LDLRAD3: variants seen among roughly 807,000 people sequenced by gnomAD.
LDLRAD3 encodes the protein low-density lipoprotein receptor class A domain-containing protein 3.
In LDLRAD3, 20 loss-of-function variants were observed where a neutral mutation model predicts 29.4. The observed-to-expected ratio is 0.68, with a 90% confidence interval of 0.48 to 0.99. The LOEUF is 0.99. Among genes scored for constraint, LDLRAD3 ranks in the 50% least tolerant of loss-of-function variants. The probability of loss-of-function intolerance (pLI) is 0.00; values close to 1 mark genes in which losing one functional copy is unlikely to be tolerated. For synonymous variants in LDLRAD3, 157 were observed against 192.7 expected (o/e 0.81, Z 1.53); for missense variants, 420 against 454.3 (o/e 0.92, Z 0.69).
At chr11:36,060,270 C>T (rs186881117) in intron 2 of LDLRAD3, among the ~76,000 whole-genome samples, 268 of 149,436 alleles carry the variant, frequency 1.8e-3, no homozygotes, top group African/African-American at 6.1e-3. Flanking sequence ...AGGAGAATGG[C>T]GTGAACCCGG....
rs115859839 is a variant in LDLRAD3 at position 36,085,450 on chromosome 11, C to T, written c.319+3672C>T. On this transcript the variant is annotated intron_variant, in intron 3 of 5. Transcript: ENST00000315571. ...TTAGGGTTCTCTGAGCTATTTGAAT[C>T]TGTAGGTTTTTGTCTTTTGCTATAC... Among the ~76,000 whole-genome samples the T allele has an allele frequency of 3.4e-3, 514 of 150,326 alleles. 3 individuals carry two copies. Among genetic ancestry groups the T allele is most frequent in the African/African-American group, 0.012 (484 of 40,882 alleles).
chr11:36,061,478 G>A (rs1852699602), intron 2 of LDLRAD3, among the ~76,000 whole-genome samples: 1 of 152,118 alleles, frequency 6.6e-6, no homozygotes, highest in African/African-American at 2.4e-5. Flanking sequence ...CTGGCATAGT[G>A]GAGGTGATAG....
chr11:35,985,685 A>T (rs1454805071), intron 1 of LDLRAD3, among the ~76,000 whole-genome samples: 3 of 152,058 alleles, frequency 2.0e-5, no homozygotes, highest in African/African-American at 7.3e-5. Context: ...GTGATAGTGA[A>T]TAATAAGTCT....
chr11:35,987,128 C>G (rs901508208), intron 1 of LDLRAD3, among the ~76,000 whole-genome samples: 7 of 152,186 alleles, frequency 4.6e-5, no homozygotes, highest in Admixed American at 4.6e-4. Context: ...TTCATGCCTC[C>G]TGTGGTGGAG....
intron 1 of LDLRAD3, chr11:35,972,385 G>C (rs1851424192): frequency 6.6e-6 from 1 of 151,990 alleles, no homozygotes; most frequent in Non-Finnish European, 1.5e-5. Context: ...AAGAGCAGAG[G>C]ACCAGAGAAA....
At chr11:36,047,823 A>G (rs1401963777) in intron 2 of LDLRAD3, among the ~76,000 whole-genome samples, 1 of 152,120 alleles carries the variant, frequency 6.6e-6, no homozygotes, top group Non-Finnish European at 1.5e-5. Context: ...AACCCCTTCA[A>G]ACAGCAGCTG....
chr11:35,979,316 C>CA (rs1167530641), intron 1 of LDLRAD3, among the ~76,000 whole-genome samples: 2 of 151,984 alleles, frequency 1.3e-5, no homozygotes, highest in Admixed American at 6.6e-5. Context: ...GAGTTGTGTG[C>CA]AAAAAAACAC....
chr11:35,950,882 G>A (rs986470142), intron 1 of LDLRAD3, among the ~76,000 whole-genome samples: 1 of 152,118 alleles, frequency 6.6e-6, no homozygotes, highest in Non-Finnish European at 1.5e-5. Flanking sequence ...AGAAGATCGA[G>A]ACCATCCTGG....
intron 1 of LDLRAD3, among the ~76,000 whole-genome samples, chr11:35,956,484 T>C (rs1409474284): frequency 6.6e-6 from 1 of 152,210 alleles, no homozygotes; most frequent in African/African-American, 2.4e-5. Context: ...ATCTGCATTT[T>C]AACAAGATCC....
intron 4 of LDLRAD3, among the ~76,000 whole-genome samples, chr11:36,112,961 C>T (rs1853625259): frequency 1.3e-5 from 2 of 151,844 alleles, no homozygotes; most frequent in Non-Finnish European, 2.9e-5. Flanking sequence ...AAGCTCTTAC[C>T]AAGAATGGTC....
At chr11:36,149,574 A>T (rs1854246646) in intron 4 of LDLRAD3, among the ~76,000 whole-genome samples, 1 of 152,184 alleles carries the variant, frequency 6.6e-6, no homozygotes, top group African/African-American at 2.4e-5. Flanking sequence ...GGGAGTTTGA[A>T]TCTGTTCGCT....
intron 1 of LDLRAD3, among the ~76,000 whole-genome samples, chr11:35,985,466 C>T (rs1421780854): frequency 6.6e-6 from 1 of 152,118 alleles, no homozygotes; most frequent in African/African-American, 2.4e-5. Context: ...AAACTCTGCC[C>T]TGGAGCCTTT....
At chr11:35,988,783 C>T (rs915074909) in intron 1 of LDLRAD3, 2 of 151,970 alleles carry the variant, frequency 1.3e-5, no homozygotes, top group African/African-American at 4.8e-5. Context: ...TGGGGTTTCA[C>T]TGTGTTTGTC....
intron 1 of LDLRAD3, among the ~76,000 whole-genome samples, chr11:35,971,211 G>A (rs769122766): frequency 6.6e-6 from 1 of 152,188 alleles, no homozygotes; most frequent in Non-Finnish European, 1.5e-5. Context: ...CTGGGAGAGA[G>A]AATAGTAGGC....
intron 1 of LDLRAD3, among the ~76,000 whole-genome samples, chr11:36,006,579 G>A (rs1460258468): frequency 2.0e-5 from 3 of 152,126 alleles, no homozygotes; most frequent in Non-Finnish European, 4.4e-5. Context: ...TAAGAGTGTG[G>A]GTTTTAGAGT....
chr11:35,964,405 G>C (rs192113617), intron 1 of LDLRAD3, among the ~76,000 whole-genome samples: 1 of 152,262 alleles, frequency 6.6e-6, no homozygotes, highest in Admixed American at 6.5e-5. Context: ...GGCTTTTCCA[G>C]CCCCACAGTC....
At chr11:36,017,589 C>T (rs1035601129) in intron 1 of LDLRAD3, among the ~76,000 whole-genome samples, 3 of 147,558 alleles carry the variant, frequency 2.0e-5, no homozygotes, top group East Asian at 2.0e-4. Context: ...AGTGCATTGG[C>T]GTGATCTTGG....
intron 4 of LDLRAD3, among the ~76,000 whole-genome samples, chr11:36,183,408 T>C (rs1042173838): frequency 6.6e-6 from 1 of 152,250 alleles, no homozygotes; most frequent in African/African-American, 2.4e-5. Context: ...AAACCTCTAT[T>C]GGATTAAAGT....
At chr11:36,142,172 A>G (rs1185208945) in intron 4 of LDLRAD3, among the ~76,000 whole-genome samples, 1 of 152,128 alleles carries the variant, frequency 6.6e-6, no homozygotes, top group African/African-American at 2.4e-5. Context: ...GTGGACCTCC[A>G]TTTGGGACAC....
Sources: gnomAD v4.1 joint callset for allele counts (sites outside exome capture counted in the v4.1 genomes callset) on GRCh38, gnomAD v4.1.1 for gene constraint, MANE v1.5 for transcripts, NCBI Gene and HGNC (gene_info 2026-07-23, HGNC 2026-07-21) for gene names.